COL26A1: variants seen among roughly 807,000 people sequenced by gnomAD.
COL26A1 encodes collagen alpha-1(XXVI) chain.
COL26A1 carries 41 observed loss-of-function variants against 59.3 expected under a neutral mutation model. The observed-to-expected ratio is 0.69, with a 90% CI of 0.54 to 0.90. The LOEUF is 0.90. Among genes scored for constraint, COL26A1 ranks in the 40% least tolerant of loss-of-function variants. The pLI, the probability that COL26A1 is intolerant of heterozygous loss-of-function variation, is 0.00. For synonymous variants in COL26A1, 266 were observed against 256.0 expected, an observed-to-expected ratio of 1.04 and a Z score of -0.37; for missense variants, 612 against 602.3, an observed-to-expected ratio of 1.02 and a Z score of -0.17.
At chr7:101,404,230 C>T (rs1792076587) in intron 1 of COL26A1, among the ~76,000 whole-genome samples, 1 of 152,122 alleles carries the variant, frequency 6.6e-6, no homozygotes, top group African/African-American at 2.4e-5. Flanking sequence ...TGTGATGCTG[C>T]CTAATTAGCC....
intron 2 of COL26A1, among the ~76,000 whole-genome samples, chr7:101,425,969 GGTGT>G (rs1376741836): frequency 6.6e-6 from 1 of 151,628 alleles, no homozygotes; most frequent in East Asian, 1.9e-4. Flanking sequence ...TGGGACCATA[GGTGT>G]GTGCCACCAC....
intron 3 of COL26A1, among the ~76,000 whole-genome samples, chr7:101,471,571 G>T (rs59100815): frequency 0.042 from 3,933 of 92,594 alleles, 217 homozygotes; most frequent in African/African-American, 0.14. Flanking sequence ...GTTGTTGTTT[G>T]TTTTTTTTTT....
chr7:101,414,432 TTGTG>T (rs34282686), intron 1 of COL26A1, among the ~76,000 whole-genome samples: 184 of 146,236 alleles, frequency 1.3e-3, no homozygotes, highest in South Asian at 2.4e-3. Flanking sequence ...CACTCTGTGT[TTGTG>T]TGTGTGTGTG....
intron 3 of COL26A1, among the ~76,000 whole-genome samples, chr7:101,511,860 G>C (rs1034418884): frequency 6.6e-6 from 1 of 152,072 alleles, no homozygotes; most frequent in Non-Finnish European, 1.5e-5. Flanking sequence ...GGGCATGGTG[G>C]TGCACACCTG....
intron 1 of COL26A1, among the ~76,000 whole-genome samples, chr7:101,371,324 G>A (rs567984497): frequency 6.6e-6 from 1 of 152,270 alleles, no homozygotes; most frequent in East Asian, 1.9e-4. Context: ...TTGGACCCCT[G>A]CCTTTGCTCT....
chr7:101,379,756 A>T (rs28760410), intron 1 of COL26A1, among the ~76,000 whole-genome samples: 9,238 of 152,250 alleles, frequency 0.061, 647 homozygotes, highest in African/African-American at 0.16. Flanking sequence ...ACCAAGATGG[A>T]GATGAGAGTG....
intron 3 of COL26A1, among the ~76,000 whole-genome samples, chr7:101,512,943 C>A (rs1040239314): frequency 6.6e-6 from 1 of 152,088 alleles, no homozygotes; most frequent in Non-Finnish European, 1.5e-5. Context: ...CTGCTGCACT[C>A]CCCAGAAAGC....
At chr7:101,510,395 T>A (rs993682635) in intron 3 of COL26A1, among the ~76,000 whole-genome samples, 3 of 152,140 alleles carry the variant, frequency 2.0e-5, no homozygotes, top group Admixed American at 6.6e-5. Context: ...AGTAATTCCG[T>A]TCACTGTGAT....
chr7:101,548,779 G>A (rs1446704915), intron 8 of COL26A1, among the ~76,000 whole-genome samples: 1 of 152,144 alleles, frequency 6.6e-6, no homozygotes, highest in Non-Finnish European at 1.5e-5. Context: ...ATGATCAGGA[G>A]GCTGTTATAG....
At chr7:101,387,766 A>ATTTTTTTTTTT (rs1443633156) in intron 1 of COL26A1, among the ~76,000 whole-genome samples, 1 of 38,766 alleles carries the variant, frequency 2.6e-5, no homozygotes, top group Non-Finnish European at 6.1e-5. Flanking sequence ...ATATATATAT[A>ATTTTTTTTTTT]TATATATATA....
At chr7:101,449,980 C>T (rs888597814) in intron 3 of COL26A1, among the ~76,000 whole-genome samples, 1 of 151,828 alleles carries the variant, frequency 6.6e-6, no homozygotes, top group Non-Finnish European at 1.5e-5. Context: ...AAAAATTAGC[C>T]GGGCATAGTG....
chr7:101,390,211 G>T (rs1165917043), intron 1 of COL26A1, among the ~76,000 whole-genome samples: 1 of 133,234 alleles, frequency 7.5e-6, no homozygotes, highest in Non-Finnish European at 1.5e-5. Context: ...AGGCTAGGGT[G>T]CAGTGGCACA....
At chr7:101,524,868 A>G (rs1006082097) in intron 3 of COL26A1, among the ~76,000 whole-genome samples, 4 of 152,190 alleles carry the variant, frequency 2.6e-5, no homozygotes, top group Non-Finnish European at 5.9e-5. Flanking sequence ...CCTGTGGTCC[A>G]GCCATGGTGC....
At chr7:101,446,072 A>C (rs545822237) in intron 2 of COL26A1, among the ~76,000 whole-genome samples, 2,504 of 137,154 alleles carry the variant, frequency 0.018, 32 homozygotes, top group Middle Eastern at 0.029. Flanking sequence ...AAAAAAAAAG[A>C]CAGTGATGGG....
chr7:101,457,845 T>C (rs1198856094), intron 3 of COL26A1, among the ~76,000 whole-genome samples: 1 of 152,122 alleles, frequency 6.6e-6, no homozygotes, highest in East Asian at 1.9e-4. Flanking sequence ...CTGGATATTA[T>C]TCCATTGCAT....
chr7:101,442,695 A>T (rs1236151099), intron 2 of COL26A1, among the ~76,000 whole-genome samples: 1 of 152,114 alleles, frequency 6.6e-6, no homozygotes, highest in Admixed American at 6.6e-5. Context: ...GTCCTCAGGT[A>T]TGTGAGCGTG....
chr7:101,379,843 T>TC (rs1223542375), intron 1 of COL26A1, among the ~76,000 whole-genome samples: 1 of 152,204 alleles, frequency 6.6e-6, no homozygotes, highest in East Asian at 1.9e-4. Context: ...GTCAGGAAGT[T>TC]ACCTTTTATG....
intron 3 of COL26A1, among the ~76,000 whole-genome samples, chr7:101,450,702 A>G (rs1212471739): frequency 1.3e-4 from 20 of 148,218 alleles, no homozygotes; most frequent in Admixed American, 1.2e-3. Flanking sequence ...TATATATTCT[A>G]TATTCAATAA....
At chr7:101,515,354 G>C (rs115805268) in intron 3 of COL26A1, among the ~76,000 whole-genome samples, 1,983 of 151,200 alleles carry the variant, frequency 0.013, 49 homozygotes, top group African/African-American at 0.045. Flanking sequence ...TGGCGCGATC[G>C]GCTCGCTGCA....
Sources: gnomAD v4.1 joint callset for allele counts (sites outside exome capture counted in the v4.1 genomes callset) on GRCh38, gnomAD v4.1.1 for gene constraint, MANE v1.5 for transcripts, NCBI Gene and HGNC (gene_info 2026-07-23, HGNC 2026-07-21) for gene names.